MYO18B: variants seen among roughly 807,000 people sequenced by gnomAD.
MYO18B encodes myosin XVIIIB.
In MYO18B, 204 loss-of-function variants were observed where a neutral mutation model predicts 273.0. The observed-to-expected ratio is 0.75, with a 90% CI of 0.67 to 0.84. The LOEUF (loss-of-function observed/expected upper bound fraction) is 0.84. Among genes scored for constraint, MYO18B ranks in the 40% least tolerant of loss-of-function variants. The pLI is 0.00. For missense variants in MYO18B, 3,212 were observed against 3,287.6 expected (o/e 0.98, Z 0.56); for synonymous variants, 1,330 against 1,305.7 (o/e 1.02, Z -0.40).
At chr22:25,944,846 CAAAAAAAAAA>C (rs55989904) in intron 34 of MYO18B, among the ~76,000 whole-genome samples, 16 of 75,648 alleles carry the variant, frequency 2.1e-4, no homozygotes, top group Admixed American at 7.9e-4. Context: ...GACTCCATCT[CAAAAAAAAAA>C]AAAAAAAAGC....
At position 25,771,092 on chromosome 22, in the gene MYO18B, A is replaced by G. The variant is rs1257598144; in HGVS notation, c.1692+108A>G. 43 of 815,850 alleles carry G rather than the reference A, an allele frequency of 5.3e-5. No homozygotes were observed. The Admixed American group carries it at 9.6e-4, about 18-fold the overall frequency. 50.5% of individuals were successfully genotyped at this position (815,850 alleles called of 1,614,324 possible). A position where few individuals can be genotyped will look rare whatever the true frequency, so the allele number is the denominator to read the frequency against. ...GCAAGAGATTTCCTTGTTCCTGACT[A>G]CCAATACCATTTTGGCTTGATGCCC... On this transcript the variant is annotated intron_variant, in intron 6 of 43. Transcript: ENST00000335473.
intron 16 of MYO18B, among the ~76,000 whole-genome samples, chr22:25,833,372 GT>G (rs1419500905): frequency 1.3e-5 from 2 of 152,178 alleles, no homozygotes; most frequent in Non-Finnish European, 2.9e-5. Context: ...TGAAGGTGCT[GT>G]GCCCAGCAGA....
intron 12 of MYO18B, among the ~76,000 whole-genome samples, chr22:25,818,760 G>T (rs2089150718): frequency 6.6e-6 from 1 of 152,162 alleles, no homozygotes; most frequent in Non-Finnish European, 1.5e-5. Context: ...TGCAGGTGGA[G>T]AAGGGAATTG....
intron 25 of MYO18B, among the ~76,000 whole-genome samples, chr22:25,888,235 T>TG (rs973468794): frequency 1.6e-4 from 24 of 152,140 alleles, no homozygotes; most frequent in Non-Finnish European, 3.1e-4. Flanking sequence ...GATCCTGGTT[T>TG]GGGGGTCTGA....
At position 25,999,676 on chromosome 22, in the gene MYO18B, C is replaced by G. The variant is rs528896188; in HGVS notation, c.6288-3589C>G. Among the ~76,000 whole-genome samples the G allele has an allele frequency of 2.7e-5, 4 of 150,732 alleles. No individual in the cohort carries two copies. The South Asian group carries it at 8.6e-4, about 32-fold the overall frequency. On this transcript the variant is annotated intron_variant, in intron 40 of 43. Transcript: ENST00000335473. ...TCTCCTCCTCCTCCTTCTCCATCTT[C>G]TTCTCCTCTCACTCTGTCACCCAGG...
intron 34 of MYO18B, among the ~76,000 whole-genome samples, chr22:25,923,856 G>A (rs1569195884): frequency 6.6e-6 from 1 of 152,118 alleles, no homozygotes; most frequent in South Asian, 2.1e-4. Context: ...ACCACACAGA[G>A]ATTTTGTTAC....
At chr22:26,038,798 T>G in the MYO18B span, among the ~76,000 whole-genome samples, 1 of 152,194 alleles carries the variant, frequency 6.6e-6, no homozygotes, top group East Asian at 1.9e-4. Flanking sequence ...CTGCCTCATT[T>G]CCTTCTCCCC....
At chr22:25,801,149 T>TC (rs1195342191) in intron 12 of MYO18B, among the ~76,000 whole-genome samples, 2 of 152,198 alleles carry the variant, frequency 1.3e-5, no homozygotes, top group African/African-American at 4.8e-5. Context: ...GGTTTTTTTT[T>TC]CATTAAAATG....
In MYO18B at chr22:25,921,237, G is replaced by A. The variant is rs992271948; in HGVS notation, c.5365-20G>A. The A allele has an allele frequency of 1.9e-6, 3 of 1,544,424 alleles. No homozygotes were observed. Among genetic ancestry groups the A allele is most frequent in the Non-Finnish European group, 2.6e-6 (3 of 1,141,080 alleles). On this transcript the variant is annotated intron_variant, in intron 33 of 43. Coordinates refer to ENST00000335473, the MANE Select transcript of MYO18B (RefSeq NM_032608.7). ...CACTGCTTTGCCACCTAAGCTCATG[G>A]GTCTCCCTTTGGCTTTCAGATTGGC...
chr22:25,813,175 T>C (rs1229849278), intron 12 of MYO18B, among the ~76,000 whole-genome samples: 1 of 134,698 alleles, frequency 7.4e-6, no homozygotes, highest in Admixed American at 8.3e-5. Context: ...CTTCTTCCTC[T>C]TCTTCTTCCT....
At chr22:26,006,437 C>G (rs1934425995) in intron 42 of MYO18B, 1 of 300,110 alleles carries the variant, frequency 3.3e-6, no homozygotes, top group South Asian at 5.3e-5. Flanking sequence ...TTATTCTATA[C>G]AGAGATTCAT....
intron 34 of MYO18B, among the ~76,000 whole-genome samples, chr22:25,925,933 C>T (rs34983179): frequency 0.011 from 1,606 of 142,416 alleles, 14 homozygotes; most frequent in East Asian, 0.029. Flanking sequence ...AGGCCAGGTG[C>T]GGTGACTCAC....
At chr22:25,964,475 T>A (rs1331308140) in intron 39 of MYO18B, among the ~76,000 whole-genome samples, 6 of 152,170 alleles carry the variant, frequency 3.9e-5, no homozygotes, top group Non-Finnish European at 1.5e-5. Flanking sequence ...TTTTAAAAAA[T>A]TAATAATATA....
At chr22:25,948,227 A>G in intron 36 of MYO18B, among the ~76,000 whole-genome samples, 1 of 151,638 alleles carries the variant, frequency 6.6e-6, no homozygotes, top group African/African-American at 2.4e-5. Flanking sequence ...CCACCCAACC[A>G]CCCATCCATC....
intron 18 of MYO18B, among the ~76,000 whole-genome samples, chr22:25,845,735 G>C (rs2146010454): frequency 6.6e-6 from 1 of 152,340 alleles, no homozygotes; most frequent in South Asian, 2.1e-4. Context: ...TGTGTGCTAG[G>C]CCTGGTCTAG....
intron 43 of MYO18B, among the ~76,000 whole-genome samples, chr22:26,029,376 T>C (rs56338632): frequency 0.091 from 13,859 of 152,184 alleles, 693 homozygotes; most frequent in Middle Eastern, 0.15. Context: ...GCCCCTTCCG[T>C]GGAGACAGGT....
At chr22:26,035,626 G>A (rs1211826229), downstream of MYO18B, among the ~76,000 whole-genome samples, 2 of 152,220 alleles carry the variant, frequency 1.3e-5, no homozygotes, top group Non-Finnish European at 2.9e-5. Flanking sequence ...GTTTGACCTA[G>A]GTCTGGCTGC....
intron 42 of MYO18B, among the ~76,000 whole-genome samples, chr22:26,009,840 T>A (rs1414515131): frequency 6.6e-6 from 1 of 152,198 alleles, no homozygotes; most frequent in Non-Finnish European, 1.5e-5. Flanking sequence ...CCTTTTGTGA[T>A]TTTGGCTCTG....
At position 25,878,052 on chromosome 22, in the gene MYO18B, TC is replaced by T. The variant is rs1288853916; in HGVS notation, c.4314+8del. 2.5e-6 allele frequency: 4 copies of T among 1,572,184 alleles called. No individual in the cohort carries two copies. In the South Asian group the frequency reaches 3.5e-5, roughly 14 times the overall value. On this transcript the variant is annotated splice_donor_5th_base_variant and intron_variant, in intron 25 of 43. Transcript: ENST00000335473. ...CACAGATCTGCTAGAAAGCAAGGTATCCCCATCCCTCCTCTTGGGTCCTTGT... is the reference window on the plus strand; with the variant it reads ...CACAGATCTGCTAGAAAGCAAGGTATCCCATCCCTCCTCTTGGGTCCTTGT...
Sources: gnomAD v4.1 joint callset for allele counts (sites outside exome capture counted in the v4.1 genomes callset) on GRCh38, gnomAD v4.1.1 for gene constraint, MANE v1.5 for transcripts, NCBI Gene and HGNC (gene_info 2026-07-23, HGNC 2026-07-21) for gene names.